TLCD3B: variants seen among roughly 807,000 people sequenced by gnomAD.
TLCD3B encodes the protein ceramide synthase.
Under a neutral mutation model 23.0 loss-of-function variants are expected in TLCD3B, and 9 were observed. That is an observed-to-expected ratio of 0.39 (90% CI 0.24 to 0.68). The LOEUF is 0.68. Among genes scored for constraint, TLCD3B ranks in the 30% least tolerant of loss-of-function variants. The pLI is 0.44. For synonymous variants in TLCD3B, 161 were observed against 161.0 expected (o/e 1.00, Z 0.00); for missense variants, 307 against 371.8 (o/e 0.83, Z 1.43).
At chr16:30,042,519 C>T (rs979879035) in intron 2 of TLCD3B, among the ~76,000 whole-genome samples, 1 of 152,156 alleles carries the variant, frequency 6.6e-6, no homozygotes, top group African/African-American at 2.4e-5. Flanking sequence ...CCACCGTGCC[C>T]TGCCTCTGAT....
At chr16:30,035,982 C>T (rs1289791019), upstream of TLCD3B, among the ~76,000 whole-genome samples, 2 of 152,092 alleles carry the variant, frequency 1.3e-5, no homozygotes, top group African/African-American at 4.8e-5. Flanking sequence ...AGGATGGTCT[C>T]GAATTCCTGA....
chr16:30,038,523 G>C (rs1485560855), intron 3 of TLCD3B, among the ~76,000 whole-genome samples: 1 of 152,034 alleles, frequency 6.6e-6, no homozygotes, highest in East Asian at 1.9e-4. Flanking sequence ...AGGCCAAGGC[G>C]GGCAGATCAC....
chr16:30,044,433 G>A (rs1227255795), intron 2 of TLCD3B, among the ~76,000 whole-genome samples: 2 of 151,854 alleles, frequency 1.3e-5, no homozygotes, highest in Non-Finnish European at 2.9e-5. Context: ...TCAGCCTCCC[G>A]AGTAGCTGGG....
At position 30,024,855 on chromosome 16, in the gene TLCD3B, C is replaced by T. The variant is rs2071030206; in HGVS notation, c.*328G>A. ...GGGGCTGGGATGGCCTTGGCAGAGGCGTCTCCCCACATTCTGACTCCTGGT... is the reference window on the plus strand; with the variant it reads ...GGGGCTGGGATGGCCTTGGCAGAGGTGTCTCCCCACATTCTGACTCCTGGT... On this transcript the variant is annotated 3_prime_UTR_variant, in exon 5 of 5. Coordinates refer to ENST00000380495, the MANE Select transcript of TLCD3B (RefSeq NM_031478.6). The T allele has an allele frequency of 1.1e-5, 3 of 282,124 alleles. No individual in the cohort carries two copies. The highest frequency in any genetic ancestry group is 1.0e-4 in the South Asian group (1 of 9,656). 17.5% of individuals were successfully genotyped at this position (282,124 alleles called of 1,614,324 possible). A position where few individuals can be genotyped will look rare whatever the true frequency, so the allele number is the denominator to read the frequency against.
intron 1 of TLCD3B, among the ~76,000 whole-genome samples, chr16:30,048,591 A>G (rs1203339136): frequency 6.6e-6 from 1 of 151,930 alleles, no homozygotes; most frequent in Non-Finnish European, 1.5e-5. Flanking sequence ...GCAGAACTAG[A>G]ATTCAAATCC....
Position 30,029,581 on chromosome 16 carries a change from C to A in TLCD3B, c.126-66G>T. On this transcript the variant is annotated intron_variant, in intron 1 of 4. Coordinates refer to ENST00000380495, the MANE Select transcript of TLCD3B (RefSeq NM_031478.6). The surrounding 1 kb of genome is among the most constrained non-coding windows in gnomAD (Gnocchi z 4.6). Reference sequence around the variant, plus strand: ...AGAGGCGTGTGCCTTGATTTCTCCTCGTTGCTAGTCTAACGACTGCGCTTT... The same window carrying A: ...AGAGGCGTGTGCCTTGATTTCTCCTAGTTGCTAGTCTAACGACTGCGCTTT... The A allele has an allele frequency of 7.5e-7, 1 of 1,341,446 alleles. No individual in the cohort carries two copies. The highest frequency in any genetic ancestry group is 1.1e-6 in the Non-Finnish European group (1 of 944,800). 83.1% of individuals were successfully genotyped at this position (1,341,446 alleles called of 1,614,324 possible).
upstream of TLCD3B, among the ~76,000 whole-genome samples, chr16:30,032,056 C>G (rs1259562627): frequency 6.6e-6 from 1 of 152,160 alleles, no homozygotes; most frequent in Non-Finnish European, 1.5e-5. Context: ...TTCCTTAATG[C>G]TACTAGCTCC....
rs761269398 is a variant in TLCD3B, at chr16:30,025,411, G to A, written c.597C>T (p.Ser199=). 6.2e-7 allele frequency: 1 copy of A among 1,612,188 alleles called. No homozygotes were observed. The highest frequency in any genetic ancestry group is 8.5e-7 in the Non-Finnish European group (1 of 1,179,426). ...HKVNGALMLL[S]FLCCRVLLFP... ...AGAGCAGCACCCGGCAGCAGAGGAA[G>A]CTGAGCAGCATCAGGGCCCCGTTCA... The change falls in exon 5 of 5, where the codon AGC becomes AGT. Residue 199 remains serine (S), a synonymous_variant. Transcript: ENST00000380495. The surrounding 1 kb of genome is among the most constrained non-coding windows in gnomAD (Gnocchi z 4.1).
chr16:30,040,339 A>T (rs773485836), intron 3 of TLCD3B, among the ~76,000 whole-genome samples: 12 of 152,042 alleles, frequency 7.9e-5, no homozygotes, highest in Non-Finnish European at 1.3e-4. Context: ...ACTGTATGCC[A>T]GGCACCAGGC....
chr16:30,040,147 A>AAAAATATATATATATATATATAT, intron 3 of TLCD3B, among the ~76,000 whole-genome samples: 2 of 95,896 alleles, frequency 2.1e-5, no homozygotes, highest in African/African-American at 8.7e-5. Context: ...AAAAAAAAAA[A>AAAAATATATATATATATATATAT]ATATATATAT....
upstream of TLCD3B, chr16:30,036,152 C>T: frequency 7.8e-7 from 1 of 1,284,694 alleles, no homozygotes; most frequent in Non-Finnish European, 1.0e-6. Context: ...CCCCAGTCCT[C>T]ACCTCAGAGG....
In TLCD3B at chr16:30,029,798, G is replaced by C. The variant is rs969503334; in HGVS notation, c.126-283C>G. Among the ~76,000 whole-genome samples the C allele has an allele frequency of 5.9e-5, 9 of 152,186 alleles. No individual in the cohort carries two copies. Among genetic ancestry groups the C allele is most frequent in the African/African-American group, 2.2e-4 (9 of 41,440 alleles). ...GAGTCTCCCTCTTCTCAAGCCCGCAGGGTGTCTGTCCTGAGGTGAGACTGA... is the reference window on the plus strand; with the variant it reads ...GAGTCTCCCTCTTCTCAAGCCCGCACGGTGTCTGTCCTGAGGTGAGACTGA... On this transcript the variant is annotated intron_variant, in intron 1 of 4. Transcript: ENST00000380495. This position sits in a 1 kb window ranked among gnomAD's most constrained non-coding sequence, Gnocchi z 4.6.
intron 3 of TLCD3B, among the ~76,000 whole-genome samples, chr16:30,037,231 C>A (rs916884417): frequency 2.0e-5 from 3 of 151,520 alleles, no homozygotes; most frequent in Non-Finnish European, 2.9e-5. Flanking sequence ...CATAGTGGAA[C>A]CCCTGTCTCT....
chr16:30,037,642 G>A (rs1381941802), intron 3 of TLCD3B, among the ~76,000 whole-genome samples: 1 of 151,944 alleles, frequency 6.6e-6, no homozygotes, highest in African/African-American at 2.4e-5. Context: ...GCGAAAGAAT[G>A]GAAAGAATTG....
intron 1 of TLCD3B, among the ~76,000 whole-genome samples, chr16:30,052,483 G>A (rs2071777897): frequency 6.6e-6 from 1 of 151,904 alleles, no homozygotes; most frequent in South Asian, 2.1e-4. Flanking sequence ...CATCACTTGA[G>A]GTCAGGAGTT....
In TLCD3B at chr16:30,024,689, A is replaced by C; in HGVS notation, c.*494T>G. Reference sequence around the variant, plus strand: ...TCAAATTTGGGTAAATAAATAAAATAAATAAGATTCCTCAAGCTGGCCTAC... The same window carrying C: ...TCAAATTTGGGTAAATAAATAAAATCAATAAGATTCCTCAAGCTGGCCTAC... On this transcript the variant is annotated 3_prime_UTR_variant, in exon 5 of 5. Transcript: ENST00000380495. 1 of 185,362 alleles carries C rather than the reference A, an allele frequency of 5.4e-6. No individual in the cohort carries two copies. Among genetic ancestry groups the C allele is most frequent in the Non-Finnish European group, 1.1e-5 (1 of 90,410 alleles). 11.5% of individuals were successfully genotyped at this position (185,362 alleles called of 1,614,324 possible). A position where few individuals can be genotyped will look rare whatever the true frequency, so the allele number is the denominator to read the frequency against.
At chr16:30,052,141 C>A (rs1345216339) in intron 1 of TLCD3B, among the ~76,000 whole-genome samples, 2 of 151,920 alleles carry the variant, frequency 1.3e-5, no homozygotes, top group Non-Finnish European at 2.9e-5. Context: ...CCAAGGCGGG[C>A]GGGATTGCCT....
At chr16:30,048,781 T>C (rs1420416559) in intron 1 of TLCD3B, among the ~76,000 whole-genome samples, 1 of 151,850 alleles carries the variant, frequency 6.6e-6, no homozygotes. Flanking sequence ...TATTTTTTTT[T>C]CTTTTTGGGG....
rs1446218498 is a variant in TLCD3B at position 30,024,559 on chromosome 16, A to C, written c.*624T>G. The C allele has an allele frequency of 5.2e-6, 2 of 386,620 alleles. No individual in the cohort carries two copies. Among genetic ancestry groups the C allele is most frequent in the Non-Finnish European group, 4.7e-6 (1 of 213,906 alleles). 23.9% of individuals were successfully genotyped at this position (386,620 alleles called of 1,614,324 possible). The stretch of plus-strand genomic sequence containing the variant: ...GGCAGGGCCCGAGGGCGCGATGTGC[A>C]GCCGATGGTGAGGGACTGGGCGCCC... On this transcript the variant is annotated 3_prime_UTR_variant, in exon 5 of 5. Coordinates refer to ENST00000380495, the MANE Select transcript of TLCD3B (RefSeq NM_031478.6).
Sources: gnomAD v4.1 joint callset for allele counts (sites outside exome capture counted in the v4.1 genomes callset) on GRCh38, gnomAD v4.1.1 for gene constraint, Gnocchi (gnomAD v3.1) non-coding constraint, MANE v1.5 for transcripts, NCBI Gene and HGNC (gene_info 2026-07-23, HGNC 2026-07-21) for gene names.